Variants in ASPA observed in about 807,000 individuals in gnomAD.
The protein encoded by ASPA is aspartoacylase, also known as ACY-2.
In ASPA, 25 loss-of-function variants were observed where a neutral mutation model predicts 29.6. The ratio of observed to expected loss-of-function variants is 0.85; its 90% CI spans 0.62 to 1.18. The LOEUF is 1.18. Among genes scored for constraint, ASPA ranks in the 50% most tolerant of loss-of-function variants. The pLI, the probability that ASPA is intolerant of heterozygous loss-of-function variation, is 0.00. For synonymous variants in ASPA, 131 were observed against 130.3 expected (o/e 1.01, Z -0.04); for missense variants, 333 against 385.7 (o/e 0.86, Z 1.14).
intron 5 of ASPA, among the ~76,000 whole-genome samples, chr17:3,495,164 A>C (rs2073889190): frequency 6.6e-6 from 1 of 152,228 alleles, no homozygotes; most frequent in African/African-American, 2.4e-5. Context: ...GGAGAGAAGA[A>C]CAGATTTCCA....
Position 3,490,544 on chromosome 17 carries a change from C to A in ASPA, c.634+1202C>A, listed in dbSNP as rs1020613750. Among the ~76,000 whole-genome samples the A allele has an allele frequency of 6.6e-6, 1 of 150,842 alleles. No homozygotes were observed. The highest frequency in any genetic ancestry group is 6.6e-5 in the Admixed American group (1 of 15,170). On this transcript the variant is annotated intron_variant, in intron 4 of 5. Coordinates refer to ENST00000263080, the MANE Select transcript of ASPA (RefSeq NM_000049.4). The surrounding 1 kb of genome is among the most constrained non-coding windows in gnomAD (Gnocchi z 4.6). ...ATTCCTCAACCTCAGATCGTGCGCACCCCACTGCAATCACAGACATTCGTT... is the reference window on the plus strand; with the variant it reads ...ATTCCTCAACCTCAGATCGTGCGCAACCCACTGCAATCACAGACATTCGTT...
At chr17:3,492,233 G>A (rs1466371304) in intron 4 of ASPA, among the ~76,000 whole-genome samples, 2 of 152,196 alleles carry the variant, frequency 1.3e-5, no homozygotes, top group Non-Finnish European at 2.9e-5. Flanking sequence ...CACACTTTTT[G>A]AGGCTGTAAG....
rs2150764486 is a variant in ASPA, at chr17:3,499,213, T to C, written c.*125T>C. 2 of 916,152 alleles carry C rather than the reference T, an allele frequency of 2.2e-6. No individual in the cohort carries two copies. The highest frequency in any genetic ancestry group is 1.9e-5 in the South Asian group (1 of 51,630). 56.8% of individuals were successfully genotyped at this position (916,152 alleles called of 1,614,324 possible). On this transcript the variant is annotated 3_prime_UTR_variant, in exon 6 of 6. Coordinates refer to ENST00000263080, the MANE Select transcript of ASPA (RefSeq NM_000049.4). ...GCTCCTAGCACAGTGCCTTATTCGG[T>C]AGGCATCTAAGCACATTTCTTAAAT...
At chr17:3,486,946 A>G (rs907283356) in intron 3 of ASPA, among the ~76,000 whole-genome samples, 1 of 152,196 alleles carries the variant, frequency 6.6e-6, no homozygotes, top group Non-Finnish European at 1.5e-5. Context: ...TTGAATGAAT[A>G]ATAATTACAC....
chr17:3,478,047 T>TGGTGGCGGGCAC (rs1245736438), intron 1 of ASPA, among the ~76,000 whole-genome samples: 1 of 151,994 alleles, frequency 6.6e-6, no homozygotes, highest in Non-Finnish European at 1.5e-5. Context: ...TAGCCGGGCA[T>TGGTGGCGGGCAC]GGTGGCGGGC....
In ASPA at chr17:3,485,717, C is replaced by T. The variant is rs570440551; in HGVS notation, c.526+2125C>T. On this transcript the variant is annotated intron_variant, in intron 3 of 5. Transcript: ENST00000263080. The surrounding 1 kb of genome is among the most constrained non-coding windows in gnomAD (Gnocchi z 4.4). ...CTGTCAAAGATCTGAGAAATTTTAC[C>T]CGACTTACAAGCTAACCATTAGCCT... Among the ~76,000 whole-genome samples the T allele has an allele frequency of 1.1e-4, 16 of 152,232 alleles. No homozygotes were observed. Among genetic ancestry groups the T allele is most frequent in the Non-Finnish European group, 8.8e-5 (6 of 68,026 alleles).
intron 4 of ASPA, among the ~76,000 whole-genome samples, chr17:3,492,891 A>G (rs577941923): frequency 6.6e-6 from 1 of 152,332 alleles, no homozygotes; most frequent in South Asian, 2.1e-4. Context: ...AAACTTTCCA[A>G]CCAACCCACA....
upstream of ASPA, chr17:3,475,629 G>C (rs1326224499): frequency 1.2e-5 from 2 of 162,646 alleles, no homozygotes; most frequent in Non-Finnish European, 2.7e-5. Context: ...TGTTTATAGA[G>C]GTGAGATTCA....
intron 1 of ASPA, among the ~76,000 whole-genome samples, chr17:3,477,270 C>T (rs1285734066): frequency 2.0e-5 from 3 of 152,192 alleles, no homozygotes; most frequent in Admixed American, 2.0e-4. Flanking sequence ...GAGATGAGAA[C>T]TAAAGACACC....
intron 4 of ASPA, among the ~76,000 whole-genome samples, chr17:3,492,361 T>G (rs2073839521): frequency 6.6e-6 from 1 of 152,226 alleles, no homozygotes; most frequent in South Asian, 2.1e-4. Flanking sequence ...TACTCCTTTG[T>G]GTTCTATCAG....
At chr17:3,480,811 C>A (rs1192446513) in intron 1 of ASPA, among the ~76,000 whole-genome samples, 2 of 152,202 alleles carry the variant, frequency 1.3e-5, no homozygotes, top group Non-Finnish European at 1.5e-5. Context: ...TACACCCAGG[C>A]ATGAACAAGG....
chr17:3,486,710 T>C (rs2073728406), intron 3 of ASPA, among the ~76,000 whole-genome samples: 1 of 152,194 alleles, frequency 6.6e-6, no homozygotes, highest in Admixed American at 6.5e-5. Context: ...TAGCCAGGAG[T>C]AATGTAATTT....
chr17:3,496,483 C>CA (rs576427945), intron 5 of ASPA, among the ~76,000 whole-genome samples: 330 of 152,248 alleles, frequency 2.2e-3, no homozygotes, highest in African/African-American at 7.6e-3. Context: ...ATGTGGAAGG[C>CA]AAGTGAGAGG....
intron 3 of ASPA, among the ~76,000 whole-genome samples, chr17:3,487,073 C>CGT (rs59690349): frequency 6.6e-6 from 1 of 150,770 alleles, no homozygotes; most frequent in Non-Finnish European, 1.5e-5. Flanking sequence ...TGTGTGTGTG[C>CGT]GTGTGTGTGT....
chr17:3,486,734 C>A (rs137989857), intron 3 of ASPA, among the ~76,000 whole-genome samples: 1 of 152,122 alleles, frequency 6.6e-6, no homozygotes, highest in Non-Finnish European at 1.5e-5. Context: ...AGCAGGTTGG[C>A]AAACAATATA....
chr17:3,486,890 A>G lies in ASPA; in HGVS notation c.527-2345A>G, dbSNP rs527499487. 2.0e-5 allele frequency among the ~76,000 whole-genome samples: 3 copies of G among 152,298 alleles called. No homozygotes were observed. The South Asian group carries it at 6.2e-4, about 32-fold the overall frequency. On this transcript the variant is annotated intron_variant, in intron 3 of 5. Coordinates refer to ENST00000263080, the MANE Select transcript of ASPA (RefSeq NM_000049.4). ...GATACAAGATCTCATATCAGAGCAG[A>G]ATATTTAGATTGTAGGACATGGCTA...
intron 4 of ASPA, 68 bp downstream of exon 4, chr17:3,489,410 G>A: frequency 7.6e-7 from 1 of 1,316,212 alleles, no homozygotes; most frequent in African/African-American, 1.5e-5. Flanking sequence ...TTGGAACCTG[G>A]GTCAGATTTG....
chr17:3,481,468 T>C, intron 1 of ASPA, 135 bp from the exon 2 acceptor site: 1 of 749,738 alleles, frequency 1.3e-6, no homozygotes, highest in South Asian at 1.8e-5. Context: ...ACATTTCAGG[T>C]AAGTTTTTAC....
chr17:3,481,779 A>G lies in ASPA; in HGVS notation c.413A>G (p.Gln138Arg), dbSNP rs767569199. 1 of 1,609,454 alleles carries G rather than the reference A, an allele frequency of 6.2e-7. No individual in the cohort carries two copies. The highest frequency in any genetic ancestry group is 8.5e-7 in the Non-Finnish European group (1 of 1,177,158). Residue 138 changes from glutamine to arginine, a missense_variant, in exon 2 of 6, where the codon CAG becomes CGG. By Grantham distance (43) the Gln-to-Arg change is conservative. Transcript: ENST00000263080. ...GATTCCAGGAATAACTTTTTAATTC[A>G]GATGTTTCATTACATTAAGGTAATG... Reference protein sequence around the residue: ...LEDSRNNFLIQMFHYIKTSLA... With the variant: ...LEDSRNNFLIRMFHYIKTSLA...
Sources: allele counts gnomAD v4.1 joint callset (sites outside exome capture counted in the v4.1 genomes callset), GRCh38; gene constraint gnomAD v4.1.1; non-coding constraint Gnocchi (gnomAD v3.1); transcripts MANE v1.5; gene names NCBI Gene and HGNC (gene_info 2026-07-23, HGNC 2026-07-21).